FGD6: variants seen among roughly 807,000 people sequenced by gnomAD.
FGD6 encodes FYVE, RhoGEF and PH domain-containing protein 6.
A neutral mutation model predicts 149.4 loss-of-function variants in FGD6; 90 were observed. The ratio of observed to expected loss-of-function variants is 0.60; its 90% confidence interval spans 0.51 to 0.72. The LOEUF (loss-of-function observed/expected upper bound fraction) is 0.72, where lower values mean the gene tolerates loss of function less well. Among genes scored for constraint, FGD6 ranks in the 30% least tolerant of loss-of-function variants. The pLI, the probability that FGD6 is intolerant of heterozygous loss-of-function variation, is 0.00. For synonymous variants in FGD6, 527 were observed against 584.0 expected (o/e 0.90, Z 1.41); for missense variants, 1,437 against 1,684.8 (o/e 0.85, Z 2.57).
chr12:95,126,261 G>C, intron 8 of FGD6: 2 of 1,323,098 alleles, frequency 1.5e-6, no homozygotes, highest in Non-Finnish European at 2.2e-6. Context: ...GGGCAAGAAG[G>C]CTCCAGCCCA....
At chr12:95,189,650 T>C (rs866144012) in intron 2 of FGD6, 3 of 44,078 alleles carry the variant, frequency 6.8e-5, no homozygotes, top group Non-Finnish European at 7.3e-5. Flanking sequence ...CCCTGTTTCA[T>C]AGGAAAAAAA....
At chr12:95,118,669 A>G (rs1879097340) in intron 8 of FGD6, among the ~76,000 whole-genome samples, 1 of 152,214 alleles carries the variant, frequency 6.6e-6, no homozygotes, top group Admixed American at 6.5e-5. Context: ...TTCCAAAGTC[A>G]AGTGTTTTGA....
intron 5 of FGD6, among the ~76,000 whole-genome samples, chr12:95,149,377 ATT>A (rs1217989424): frequency 1.7e-5 from 2 of 119,182 alleles, no homozygotes; most frequent in South Asian, 2.3e-4. Flanking sequence ...TATAGCACAT[ATT>A]TTATATATAT....
intron 5 of FGD6, among the ~76,000 whole-genome samples, chr12:95,144,037 G>A (rs1879935451): frequency 6.6e-6 from 1 of 152,144 alleles, no homozygotes; most frequent in Admixed American, 6.5e-5. Flanking sequence ...TTAAGGACCC[G>A]GTTTGACACA....
At chr12:95,126,311 ACCT>A in intron 8 of FGD6, 1 of 1,529,982 alleles carries the variant, frequency 6.5e-7, no homozygotes, top group Non-Finnish European at 9.0e-7. Context: ...AGAAGGCAGC[ACCT>A]CCTCCAAAAG....
At chr12:95,106,233 A>G (rs1488630618) in intron 13 of FGD6, among the ~76,000 whole-genome samples, 1 of 150,276 alleles carries the variant, frequency 6.7e-6, no homozygotes, top group Non-Finnish European at 1.5e-5. Context: ...AAGTGCTGGG[A>G]CTACAGGTGT....
At chr12:95,158,606 C>CAT (rs1453699424) in intron 3 of FGD6, among the ~76,000 whole-genome samples, 1 of 152,024 alleles carries the variant, frequency 6.6e-6, no homozygotes, top group Non-Finnish European at 1.5e-5. Context: ...CACACACACA[C>CAT]GGATAACTGT....
In FGD6 at chr12:95,211,269, T is replaced by C; in HGVS notation, c.17-2A>G. On this transcript the variant is annotated splice_acceptor_variant, in intron 1 of 20. Coordinates refer to ENST00000343958, the MANE Select transcript of FGD6 (RefSeq NM_018351.4). LOFTEE classifies it high-confidence loss of function. ...GGGCCACTGGTGGCTTCTTTATCTC[T>C]AGAAAGGAAAAAATAATAATTTGAT... The C allele has an allele frequency of 6.5e-7, 1 of 1,546,218 alleles. No individual in the cohort carries two copies. The highest frequency in any genetic ancestry group is 8.7e-7 in the Non-Finnish European group (1 of 1,155,882).
intron 3 of FGD6, among the ~76,000 whole-genome samples, chr12:95,172,037 G>GT (rs1555221390): frequency 1.9e-5 from 1 of 51,908 alleles, no homozygotes; most frequent in African/African-American, 9.8e-5. Context: ...CAATTCTAAG[G>GT]GGGGGGGGGT....
At chr12:95,144,022 G>T (rs189238089) in intron 5 of FGD6, among the ~76,000 whole-genome samples, 1 of 152,294 alleles carries the variant, frequency 6.6e-6, no homozygotes, top group Admixed American at 6.5e-5. Flanking sequence ...TAGCTGCTAA[G>T]TAACTTAAGG....
chr12:95,097,700 T>C (rs1397352019), intron 14 of FGD6, among the ~76,000 whole-genome samples: 2 of 147,848 alleles, frequency 1.4e-5, no homozygotes, highest in African/African-American at 2.5e-5. Flanking sequence ...AACTGCAGGA[T>C]GCTTCTCTGA....
chr12:95,149,942 ATAC>A (rs1880247835), intron 5 of FGD6, among the ~76,000 whole-genome samples: 1 of 147,050 alleles, frequency 6.8e-6, no homozygotes. Flanking sequence ...TATATTATAT[ATAC>A]TACATATCAT....
At chr12:95,113,048 G>C (rs1049805081) in intron 9 of FGD6, among the ~76,000 whole-genome samples, 2 of 152,092 alleles carry the variant, frequency 1.3e-5, no homozygotes, top group Non-Finnish European at 2.9e-5. Flanking sequence ...GAGCACAGGA[G>C]GGCAAAGATT....
intron 14 of FGD6, among the ~76,000 whole-genome samples, chr12:95,102,233 C>T (rs1367389306): frequency 6.6e-6 from 1 of 151,786 alleles, no homozygotes. Context: ...CACTTGAGGT[C>T]AGGAGTTTAA....
chr12:95,121,404 C>T (rs1027609520), intron 8 of FGD6, among the ~76,000 whole-genome samples: 11 of 144,786 alleles, frequency 7.6e-5, no homozygotes, highest in Middle Eastern at 3.8e-3. Flanking sequence ...GAGCTGAGTT[C>T]ACATCATTGC....
intron 2 of FGD6, among the ~76,000 whole-genome samples, chr12:95,174,542 C>CT (rs1295197842): frequency 6.6e-6 from 1 of 152,110 alleles, no homozygotes; most frequent in Non-Finnish European, 1.5e-5. Context: ...CTCTAAAAGG[C>CT]TTTTTGATCC....
intron 9 of FGD6, among the ~76,000 whole-genome samples, chr12:95,113,082 C>T (rs1878886211): frequency 6.6e-6 from 1 of 152,132 alleles, no homozygotes; most frequent in African/African-American, 2.4e-5. Flanking sequence ...ACCACGCTGG[C>T]TTCACAGTCG....
rs372283495 is a variant in FGD6 at position 95,122,786 on chromosome 12, A to T, written c.3083-9085T>A. On this transcript the variant is annotated intron_variant, in intron 8 of 20. Transcript: ENST00000343958. Reference sequence around the variant, plus strand: ...TAGATGTGGTGCTTGCCTAAGTTAGAAAGTGTCATCTCGGGAGGGGCACAG... The same window carrying T: ...TAGATGTGGTGCTTGCCTAAGTTAGTAAGTGTCATCTCGGGAGGGGCACAG... Among the ~76,000 whole-genome samples the T allele has an allele frequency of 1.3e-4, 19 of 152,000 alleles. No individual in the cohort carries two copies. The East Asian group carries it at 3.3e-3, about 26-fold the overall frequency.
intron 3 of FGD6, among the ~76,000 whole-genome samples, chr12:95,164,929 A>G (rs1026911609): frequency 2.1e-4 from 32 of 152,212 alleles, no homozygotes; most frequent in African/African-American, 7.5e-4. Flanking sequence ...TTATGAAAGT[A>G]TGTATCATAT....
Sources: allele counts gnomAD v4.1 joint callset (sites outside exome capture counted in the v4.1 genomes callset), GRCh38; gene constraint gnomAD v4.1.1; transcripts MANE v1.5; gene names NCBI Gene and HGNC (gene_info 2026-07-23, HGNC 2026-07-21).